Variants in DHTKD1 observed in about 807,000 individuals in gnomAD.
The protein encoded by DHTKD1 is dehydrogenase E1 and transketolase domain containing 1.
DHTKD1 carries 78 observed loss-of-function variants against 101.8 expected under a neutral mutation model. The ratio of observed to expected loss-of-function variants is 0.77; its 90% CI spans 0.64 to 0.93. The LOEUF is 0.93. Among genes scored for constraint, DHTKD1 ranks in the 40% least tolerant of loss-of-function variants. The pLI is 0.00. For missense variants in DHTKD1, 1,223 were observed against 1,161.7 expected (o/e 1.05, Z -0.77); for synonymous variants, 462 against 450.3 (o/e 1.03, Z -0.33).
chr10:12,082,025 G>A (rs1832828567), intron 2 of DHTKD1, among the ~76,000 whole-genome samples: 1 of 151,932 alleles, frequency 6.6e-6, no homozygotes, highest in East Asian at 1.9e-4. Context: ...CACTCTGGAG[G>A]TAGAGATGGG....
In DHTKD1 at chr10:12,097,808, A is replaced by G. The variant is rs148518179; in HGVS notation, c.1483A>G (p.Met495Val). The change falls in exon 8 of 17, where the codon ATG (methionine) becomes GTG (valine). Residue 495 changes from methionine to valine, a missense_variant. Transcript: ENST00000263035. ...CAAGTTGAATGATCACTTAAATAAC[A>G]TGGCCCACTACAGGCCCCCTGCCCT... ...YAKLNDHLNN[M>V]AHYRPPALNL... The G allele has an allele frequency of 1.1e-5, 18 of 1,614,082 alleles. No homozygotes were observed. The highest frequency in any genetic ancestry group is 1.3e-5 in the African/African-American group (1 of 74,934).
Position 12,117,662 on chromosome 10 carries a change from C to G in DHTKD1, c.2320-11C>G. On this transcript the variant is annotated splice_polypyrimidine_tract_variant and intron_variant, in intron 13 of 16. Coordinates refer to ENST00000263035, the MANE Select transcript of DHTKD1 (RefSeq NM_018706.7). ...TTGCTTGCTGGATGTGTGGCCTCTT[C>G]TCCCTCGTAGGCAGCCGTGTCAACT... is the stretch of plus-strand genomic sequence containing the variant. 6.4e-7 allele frequency: 1 copy of G among 1,558,534 alleles called. No individual in the cohort carries two copies. Among genetic ancestry groups the G allele is most frequent in the Non-Finnish European group, 8.8e-7 (1 of 1,137,300 alleles).
intron 6 of DHTKD1, among the ~76,000 whole-genome samples, chr10:12,092,616 C>T (rs1413777304): frequency 1.3e-5 from 2 of 151,800 alleles, no homozygotes; most frequent in African/African-American, 4.8e-5. Flanking sequence ...CCAGCCTGAC[C>T]AACATAGAGA....
At chr10:12,093,338 C>T (rs11257532) in intron 6 of DHTKD1, among the ~76,000 whole-genome samples, 73,694 of 151,950 alleles carry the variant, frequency 0.48, 19,649 homozygotes, top group South Asian at 0.72. Context: ...GCCACTGCAC[C>T]TGGCCACAGC....
chr10:12,098,493 CAAG>C (rs1833108051), intron 8 of DHTKD1, among the ~76,000 whole-genome samples: 1 of 152,130 alleles, frequency 6.6e-6, no homozygotes, highest in Admixed American at 6.6e-5. Context: ...AGTGCTAAAA[CAAG>C]GAGAGCAAAG....
chr10:12,118,954 G>A, intron 15 of DHTKD1, 36 bp downstream of exon 15: 1 of 1,466,950 alleles, frequency 6.8e-7, no homozygotes, highest in Admixed American at 2.4e-5. Context: ...TTGATGTTCA[G>A]ATACCCAAAA....
At chr10:12,106,450 C>G (rs970856042) in intron 11 of DHTKD1, 54 bp downstream of exon 11, 46 of 1,601,208 alleles carry the variant, frequency 2.9e-5, no homozygotes, top group Non-Finnish European at 3.9e-5. Flanking sequence ...GTGGCCCCAG[C>G]CTCGTGGGGA....
chr10:12,071,475 A>T (rs12261848), intron 1 of DHTKD1, among the ~76,000 whole-genome samples: 17 of 152,116 alleles, frequency 1.1e-4, no homozygotes, highest in African/African-American at 2.2e-4. Flanking sequence ...TTTATTTTTT[A>T]AATTTTATTT....
intron 10 of DHTKD1, among the ~76,000 whole-genome samples, chr10:12,104,065 C>T (rs1298790169): frequency 1.3e-5 from 2 of 152,154 alleles, no homozygotes; most frequent in Non-Finnish European, 2.9e-5. Context: ...ATTGATCTGC[C>T]TATTTTGGAT....
chr10:12,118,910 A>G lies in DHTKD1; in HGVS notation c.2564A>G (p.His855Arg), dbSNP rs1833469578. The G allele has an allele frequency of 6.4e-7, 1 of 1,568,710 alleles. No homozygotes were observed. Among genetic ancestry groups the G allele is most frequent in the African/African-American group, 1.4e-5 (1 of 72,680 alleles). The change falls in exon 15 of 17, where the codon CAT becomes CGT. Residue 855 changes from histidine to arginine, a missense_variant. Coordinates refer to ENST00000263035, the MANE Select transcript of DHTKD1 (RefSeq NM_018706.7). ...SLQQEMSKYKHVKDHIWSQEE... is the reference protein window; with the variant it reads ...SLQQEMSKYKRVKDHIWSQEE... ...CAGCAAGAGATGAGCAAATACAAAC[A>G]TGTTAAAGGTAAGAGGTTGTTCTCA... is the stretch of plus-strand genomic sequence containing the variant.
chr10:12,073,705 A>T (rs1203444733), intron 1 of DHTKD1, among the ~76,000 whole-genome samples: 1 of 152,170 alleles, frequency 6.6e-6, no homozygotes, highest in Non-Finnish European at 1.5e-5. Flanking sequence ...AGCTTGACTC[A>T]GCCTCTCCAG....
intron 10 of DHTKD1, among the ~76,000 whole-genome samples, chr10:12,104,529 A>AT (rs1289608674): frequency 5.3e-5 from 8 of 152,248 alleles, no homozygotes; most frequent in Admixed American, 2.0e-4. Context: ...TTAAACATAT[A>AT]TTTTTTTAAA....
Position 12,120,204 on chromosome 10 carries a change from A to T in DHTKD1, c.2595A>T (p.Glu865Asp). 1 of 1,613,882 alleles carries T rather than the reference A, an allele frequency of 6.2e-7. No homozygotes were observed. The highest frequency in any genetic ancestry group is 1.7e-4 in the Middle Eastern group (1 of 6,060). ...HVKDHIWSQE[E>D]PQNMGPWSFV... is the part of the protein sequence containing the mutation. ...TAGATCATATTTGGAGTCAGGAGGA[A>T]CCTCAGAACATGGGTCCGTGGTCGT... is the stretch of plus-strand genomic sequence containing the variant. Residue 865 changes from glutamate (E) to aspartate (D), a missense_variant, in exon 16 of 17, where the codon GAA (glutamate) becomes GAT (aspartate). Coordinates refer to ENST00000263035, the MANE Select transcript of DHTKD1 (RefSeq NM_018706.7).
intron 5 of DHTKD1, 92 bp from the exon 6 acceptor site, chr10:12,091,421 A>AG: frequency 1.3e-6 from 1 of 764,658 alleles, no homozygotes; most frequent in Non-Finnish European, 1.9e-6. Flanking sequence ...CAAAAAAAAA[A>AG]AAAAAAAAAG....
intron 3 of DHTKD1, among the ~76,000 whole-genome samples, 179 bp downstream of exon 3, chr10:12,084,930 A>C (rs1313963938): frequency 3.3e-5 from 5 of 152,152 alleles, no homozygotes; most frequent in Non-Finnish European, 7.3e-5. Context: ...GCATGCCTGT[A>C]ATCCTAGCTA....
At chr10:12,119,446 T>C (rs1833482010) in intron 15 of DHTKD1, among the ~76,000 whole-genome samples, 1 of 148,642 alleles carries the variant, frequency 6.7e-6, no homozygotes, top group Non-Finnish European at 1.5e-5. Flanking sequence ...AAACCCCGTC[T>C]CTACTGAAAA....
At chr10:12,090,408 T>TTCCTTCCTTC (rs1832971143) in intron 5 of DHTKD1, among the ~76,000 whole-genome samples, 1 of 16,026 alleles carries the variant, frequency 6.2e-5, no homozygotes, top group African/African-American at 1.2e-4. Flanking sequence ...TTCCTTCCTT[T>TTCCTTCCTTC]TTTCCTTCCT....
At chr10:12,114,584 C>A (rs569126690) in intron 13 of DHTKD1, among the ~76,000 whole-genome samples, 1 of 152,264 alleles carries the variant, frequency 6.6e-6, no homozygotes, top group East Asian at 1.9e-4. Context: ...GCATGAGCCA[C>A]CGTGCCCGGC....
chr10:12,092,397 T>C (rs535014858), intron 6 of DHTKD1, among the ~76,000 whole-genome samples: 3 of 152,280 alleles, frequency 2.0e-5, no homozygotes, highest in Non-Finnish European at 4.4e-5. Context: ...ATCAACACAA[T>C]GAGTACAACA....
Sources: gnomAD v4.1 joint callset for allele counts (sites outside exome capture counted in the v4.1 genomes callset) on GRCh38, gnomAD v4.1.1 for gene constraint, MANE v1.5 for transcripts, NCBI Gene and HGNC (gene_info 2026-07-23, HGNC 2026-07-21) for gene names.